Variants in GABRB1 observed in about 807,000 individuals in gnomAD.
The protein encoded by GABRB1 is gamma-aminobutyric acid receptor subunit beta-1.
Under a neutral mutation model 51.6 loss-of-function variants are expected in GABRB1, and 17 were observed. That is an observed-to-expected ratio of 0.33 (90% CI 0.23 to 0.49). The LOEUF is 0.49. Among genes scored for constraint, GABRB1 ranks in the 20% least tolerant of loss-of-function variants. The pLI is 0.99. For missense variants in GABRB1, 410 were observed against 600.6 expected (o/e 0.68, Z 3.32); for synonymous variants, 247 against 218.9 (o/e 1.13, Z -1.14).
At chr4:47,388,682 A>T (rs1387575696) in intron 5 of GABRB1, among the ~76,000 whole-genome samples, 2 of 152,198 alleles carry the variant, frequency 1.3e-5, no homozygotes, top group Non-Finnish European at 2.9e-5. Flanking sequence ...GGTAAAAGAA[A>T]CAAGGTAGAC....
At chr4:47,173,304 C>A (rs1237979418) in intron 4 of GABRB1, among the ~76,000 whole-genome samples, 1 of 152,064 alleles carries the variant, frequency 6.6e-6, no homozygotes, top group Non-Finnish European at 1.5e-5. Context: ...GATTAATGAG[C>A]CCCTTAAGGT....
intron 4 of GABRB1, among the ~76,000 whole-genome samples, chr4:47,167,985 T>C (rs1249014777): frequency 1.3e-5 from 2 of 152,138 alleles, no homozygotes; most frequent in African/African-American, 4.8e-5. Context: ...AGCCTTCCAT[T>C]CCAATACTGC....
At chr4:47,269,704 C>A (rs1722779219) in intron 4 of GABRB1, among the ~76,000 whole-genome samples, 2 of 151,954 alleles carry the variant, frequency 1.3e-5, no homozygotes, top group Non-Finnish European at 2.9e-5. Context: ...AATATAGCTA[C>A]TTAACATGTA....
intron 3 of GABRB1, among the ~76,000 whole-genome samples, chr4:47,052,723 A>C (rs376554879): frequency 6.6e-5 from 10 of 152,016 alleles, no homozygotes; most frequent in Non-Finnish European, 1.5e-4. Flanking sequence ...CTGACTTCCT[A>C]TTCAGTTCTC....
chr4:47,146,299 T>A (rs1253340124), intron 3 of GABRB1, among the ~76,000 whole-genome samples: 1 of 151,920 alleles, frequency 6.6e-6, no homozygotes, highest in Non-Finnish European at 1.5e-5. Flanking sequence ...TCTTCCTTTC[T>A]TTTTTTCCCC....
At chr4:47,226,068 C>T (rs1331708342) in intron 4 of GABRB1, among the ~76,000 whole-genome samples, 1 of 152,058 alleles carries the variant, frequency 6.6e-6, no homozygotes, top group Admixed American at 6.6e-5. Flanking sequence ...TTTATTAAAC[C>T]CTTGCTATTA....
At chr4:47,403,134 T>A (rs1728454501) in intron 5 of GABRB1, among the ~76,000 whole-genome samples, 184 bp from the exon 6 acceptor site, 2 of 152,160 alleles carry the variant, frequency 1.3e-5, no homozygotes, top group Non-Finnish European at 2.9e-5. Flanking sequence ...ATGCACCCAT[T>A]CTTTCAATGA....
chr4:47,278,794 T>G (rs534292249), intron 4 of GABRB1, among the ~76,000 whole-genome samples: 1 of 152,154 alleles, frequency 6.6e-6, no homozygotes, highest in Non-Finnish European at 1.5e-5. Flanking sequence ...CTACTGGATA[T>G]TTCATCATAG....
At chr4:47,369,451 AC>A (rs1727110616) in intron 5 of GABRB1, among the ~76,000 whole-genome samples, 1 of 152,022 alleles carries the variant, frequency 6.6e-6, no homozygotes, top group African/African-American at 2.4e-5. Context: ...ACACACACAC[AC>A]ACACACACAC....
intron 5 of GABRB1, among the ~76,000 whole-genome samples, chr4:47,340,105 T>C (rs937740800): frequency 6.6e-6 from 1 of 152,194 alleles, no homozygotes; most frequent in African/African-American, 2.4e-5. Flanking sequence ...TTCAAGGTGT[T>C]ACAAGTTTTA....
intron 5 of GABRB1, among the ~76,000 whole-genome samples, chr4:47,385,965 A>G (rs915922721): frequency 6.6e-6 from 1 of 152,190 alleles, no homozygotes; most frequent in Non-Finnish European, 1.5e-5. Flanking sequence ...TGGGGGTGCA[A>G]AGCTTTCATG....
At chr4:47,327,471 G>A (rs1725302034) in intron 5 of GABRB1, among the ~76,000 whole-genome samples, 2 of 152,202 alleles carry the variant, frequency 1.3e-5, no homozygotes, top group Non-Finnish European at 2.9e-5. Flanking sequence ...AGGGTGGTAA[G>A]TGTAATGAAA....
intron 3 of GABRB1, among the ~76,000 whole-genome samples, chr4:47,094,207 A>AT (rs2109592640): frequency 6.8e-6 from 1 of 147,350 alleles, no homozygotes; most frequent in African/African-American, 2.5e-5. Context: ...GAAAAAGTTA[A>AT]TTTTTTCTTT....
chr4:47,050,609 T>C (rs6834421), intron 3 of GABRB1, among the ~76,000 whole-genome samples: 78,103 of 151,862 alleles, frequency 0.51, 20,252 homozygotes, highest in African/African-American at 0.55. Context: ...TTTTGTTGGA[T>C]ACCTGCTTTG....
intron 3 of GABRB1, among the ~76,000 whole-genome samples, chr4:47,112,863 A>G (rs1715289276): frequency 6.6e-6 from 1 of 152,216 alleles, no homozygotes; most frequent in African/African-American, 2.4e-5. Context: ...ATAAATATGT[A>G]TAATTATAAA....
chr4:47,093,619 A>G (rs1161704992), intron 3 of GABRB1, among the ~76,000 whole-genome samples: 3 of 152,244 alleles, frequency 2.0e-5, no homozygotes, highest in Admixed American at 2.0e-4. Context: ...GTCTGCAGTT[A>G]CTACTTAATC....
At chr4:47,332,457 A>G (rs543944104) in intron 5 of GABRB1, among the ~76,000 whole-genome samples, 206 of 152,370 alleles carry the variant, frequency 1.4e-3, no homozygotes, top group African/African-American at 4.7e-3. Flanking sequence ...TTCTATGAAC[A>G]ACATCCACAT....
At chr4:47,044,108 G>C (rs896968945) in intron 3 of GABRB1, among the ~76,000 whole-genome samples, 17 of 152,030 alleles carry the variant, frequency 1.1e-4, no homozygotes, top group Non-Finnish European at 1.9e-4. Flanking sequence ...CTGATCTTCT[G>C]CATTTGAAAA....
At chr4:47,002,257 A>G (rs1319432078) in intron 1 of GABRB1, among the ~76,000 whole-genome samples, 1 of 152,232 alleles carries the variant, frequency 6.6e-6, no homozygotes, top group East Asian at 1.9e-4. Flanking sequence ...ATCAACATTT[A>G]CTTTACAAGC....
Sources: gnomAD v4.1 joint callset for allele counts (sites outside exome capture counted in the v4.1 genomes callset) on GRCh38, gnomAD v4.1.1 for gene constraint, MANE v1.5 for transcripts, NCBI Gene and HGNC (gene_info 2026-07-23, HGNC 2026-07-21) for gene names.